Variants in EHBP1 observed in about 807,000 individuals in gnomAD.
EHBP1 encodes EH domain binding protein 1, also known as EH domain-binding protein 1.
A neutral mutation model predicts 144.0 loss-of-function variants in EHBP1; 55 were observed. The ratio of observed to expected loss-of-function variants is 0.38; its 90% CI spans 0.31 to 0.48. The LOEUF is 0.48. Among genes scored for constraint, EHBP1 ranks in the 20% least tolerant of loss-of-function variants. EHBP1 has a pLI of 0.98. For missense variants in EHBP1, 1,200 were observed against 1,364.2 expected, an observed-to-expected ratio of 0.88 and a Z score of 1.90; for synonymous variants, 469 against 472.7, an observed-to-expected ratio of 0.99 and a Z score of 0.10.
rs549254697 is a variant in EHBP1 at position 62,839,459 on chromosome 2, C to T, written c.634+8301C>T. Among the ~76,000 whole-genome samples, 916 of 146,604 alleles carry T rather than the reference C, an allele frequency of 6.2e-3. 11 individuals carry two copies. The highest frequency in any genetic ancestry group is 0.022 in the African/African-American group (846 of 39,206). ...GACAGGGATGCCCTCTCTCACCACT[C>T]CTATTCAACATAGTGTTGGAAGTTC... On this transcript the variant is annotated intron_variant, in intron 7 of 22. Transcript: ENST00000431489.
chr2:62,825,992 AATT>A (rs1472704515), intron 5 of EHBP1, 92 bp from the exon 6 acceptor site: 2 of 911,994 alleles, frequency 2.2e-6, no homozygotes, highest in South Asian at 3.0e-5. Context: ...GGAAGTTTTC[AATT>A]ATTATTTGAT....
At chr2:62,689,317 T>C (rs1572868585) in intron 1 of EHBP1, among the ~76,000 whole-genome samples, 2 of 152,222 alleles carry the variant, frequency 1.3e-5, no homozygotes, top group Admixed American at 1.3e-4. Context: ...TATTATGATA[T>C]ATCTTCATGA....
intron 14 of EHBP1, among the ~76,000 whole-genome samples, chr2:62,964,317 T>C (rs2058139377): frequency 6.6e-6 from 1 of 152,184 alleles, no homozygotes; most frequent in African/African-American, 2.4e-5. Context: ...AACACTCCTT[T>C]TATGCAAGTA....
At chr2:62,715,550 C>G (rs1482636250) in intron 2 of EHBP1, among the ~76,000 whole-genome samples, 1 of 151,802 alleles carries the variant, frequency 6.6e-6, no homozygotes, top group African/African-American at 2.4e-5. Flanking sequence ...GATTTCCTTG[C>G]ACTTGGTGTG....
intron 2 of EHBP1, among the ~76,000 whole-genome samples, chr2:62,736,224 C>CTTTT (rs70962793): frequency 4.9e-5 from 5 of 102,234 alleles, no homozygotes; most frequent in Non-Finnish European, 1.0e-4. Flanking sequence ...TTCTCTTTGC[C>CTTTT]TTTTTTTTTT....
Position 62,918,758 on chromosome 2 carries a change from C to T in EHBP1, c.1186-23960C>T, listed in dbSNP as rs532475263. 3.3e-5 allele frequency among the ~76,000 whole-genome samples: 5 copies of T among 152,250 alleles called. No homozygotes were observed. In the South Asian group the frequency reaches 8.3e-4, roughly 25 times the overall value. ...TGGACATGCATATCTGCATTGTCTACGATAGTGGTTCTCAAACTTATTGGT... is the reference window on the plus strand; with the variant it reads ...TGGACATGCATATCTGCATTGTCTATGATAGTGGTTCTCAAACTTATTGGT... On this transcript the variant is annotated intron_variant, in intron 10 of 22. Coordinates refer to ENST00000431489, the MANE Select transcript of EHBP1 (RefSeq NM_001142616.3).
At position 62,741,083 on chromosome 2, in the gene EHBP1, A is replaced by G. The variant is rs534400857; in HGVS notation, c.105-6312A>G. On this transcript the variant is annotated intron_variant, in intron 2 of 22. Transcript: ENST00000431489. ...AGGTCAACTGGCCTTCTGTGTGGTCACTCAGGGGCCCAGGCTACTCTTGTC... is the reference window on the plus strand; with the variant it reads ...AGGTCAACTGGCCTTCTGTGTGGTCGCTCAGGGGCCCAGGCTACTCTTGTC... Among the ~76,000 whole-genome samples the G allele has an allele frequency of 3.3e-5, 5 of 152,258 alleles. No individual in the cohort carries two copies. In the South Asian group the frequency reaches 1.0e-3, roughly 32 times the overall value.
chr2:62,760,973 A>ACT (rs2040724332), intron 3 of EHBP1, among the ~76,000 whole-genome samples: 1 of 152,006 alleles, frequency 6.6e-6, no homozygotes, highest in South Asian at 2.1e-4. Context: ...CAGTGATTAC[A>ACT]CTCTTTTTCT....
chr2:62,967,294 C>A (rs923916145), intron 14 of EHBP1, among the ~76,000 whole-genome samples: 1 of 152,126 alleles, frequency 6.6e-6, no homozygotes, highest in African/African-American at 2.4e-5. Flanking sequence ...GCGGCTCAGA[C>A]CACATTACAA....
intron 6 of EHBP1, among the ~76,000 whole-genome samples, chr2:62,830,153 G>GACACACACACACAC (rs368948717): frequency 7.6e-4 from 101 of 132,166 alleles, no homozygotes; most frequent in Admixed American, 4.0e-3. Flanking sequence ...TATATATATA[G>GACACACACACACAC]ACACACACAC....
upstream of EHBP1, among the ~76,000 whole-genome samples, chr2:62,701,869 T>C (rs1395636674): frequency 2.6e-5 from 4 of 151,588 alleles, no homozygotes; most frequent in African/African-American, 9.7e-5. Context: ...CTATGGTAAC[T>C]GGAAAAAAAA....
At chr2:63,043,920 CTTTTTTTTTTTTTTTTTTTT>C (rs70962802) in intron 21 of EHBP1, 1 of 9,380 alleles carries the variant, frequency 1.1e-4, no homozygotes, top group Non-Finnish European at 2.0e-4. Context: ...GGCCATGGTT[CTTTTTTTTTTTTTTTTTTTT>C]TTTTTTTTTT....
intron 10 of EHBP1, among the ~76,000 whole-genome samples, chr2:62,906,018 C>T (rs554207011): frequency 1.3e-5 from 2 of 151,078 alleles, no homozygotes; most frequent in South Asian, 2.1e-4. Flanking sequence ...TAAAAAAAAA[C>T]TTTCACTAAG....
At chr2:62,953,131 T>G (rs752003333) in intron 13 of EHBP1, among the ~76,000 whole-genome samples, 1 of 149,502 alleles carries the variant, frequency 6.7e-6, no homozygotes, top group Non-Finnish European at 1.5e-5. Flanking sequence ...GCAGGAGAAT[T>G]GCTTGAACCC....
intron 10 of EHBP1, among the ~76,000 whole-genome samples, chr2:62,882,924 C>T (rs2051590686): frequency 6.6e-6 from 1 of 151,602 alleles, no homozygotes; most frequent in Non-Finnish European, 1.5e-5. Context: ...ACAGTGCCTA[C>T]TGTATGCCGG....
intron 14 of EHBP1, among the ~76,000 whole-genome samples, chr2:62,958,967 G>A (rs2153124729): frequency 6.6e-6 from 1 of 152,216 alleles, no homozygotes; most frequent in South Asian, 2.1e-4. Flanking sequence ...TTTTATTGCA[G>A]GTCTGCATTA....
At chr2:62,747,516 C>A in intron 3 of EHBP1, 64 bp downstream of exon 3, 1 of 1,231,442 alleles carries the variant, frequency 8.1e-7, no homozygotes, top group South Asian at 1.4e-5. Flanking sequence ...TGCTCTGGTT[C>A]CAGTGTAGAA....
intron 10 of EHBP1, among the ~76,000 whole-genome samples, chr2:62,928,148 A>G (rs1288164505): frequency 6.6e-6 from 1 of 152,138 alleles, no homozygotes; most frequent in Non-Finnish European, 1.5e-5. Context: ...GAAAGGGAAC[A>G]CCCCTGTGGT....
chr2:63,027,488 T>G (rs2061030091), intron 19 of EHBP1, among the ~76,000 whole-genome samples: 1 of 152,318 alleles, frequency 6.6e-6, no homozygotes, highest in African/African-American at 2.4e-5. Flanking sequence ...CAGCATTTAT[T>G]GCATTTGATT....
Sources: gnomAD v4.1 joint callset for allele counts (sites outside exome capture counted in the v4.1 genomes callset) on GRCh38, gnomAD v4.1.1 for gene constraint, MANE v1.5 for transcripts, NCBI Gene and HGNC (gene_info 2026-07-23, HGNC 2026-07-21) for gene names.